The following ELP2 variants were observed in gnomAD, a reference collection of about 807,000 sequenced individuals.
The protein encoded by ELP2 is elongator complex protein 2.
ELP2 carries 90 observed loss-of-function variants against 119.2 expected under a neutral mutation model. That is an observed-to-expected ratio of 0.75 (90% CI 0.64 to 0.90). ELP2 has a LOEUF of 0.90. Among genes scored for constraint, ELP2 ranks in the 40% least tolerant of loss-of-function variants. ELP2 has a pLI of 0.00. For synonymous variants in ELP2, 339 were observed against 331.0 expected, an observed-to-expected ratio of 1.02 and a Z score of -0.26; for missense variants, 921 against 967.8, an observed-to-expected ratio of 0.95 and a Z score of 0.64.
At chr18:36,139,846 A>T (rs1191227685) in intron 5 of ELP2, 5 of 277,980 alleles carry the variant, frequency 1.8e-5, no homozygotes, top group Admixed American at 5.0e-5. Context: ...TTTAAAATTT[A>T]AAATTTATTT....
intron 9 of ELP2, 93 bp from the exon 10 acceptor site, chr18:36,145,855 C>T: frequency 9.8e-7 from 1 of 1,024,964 alleles, no homozygotes; most frequent in Admixed American, 1.7e-5. Flanking sequence ...AGTGAACATC[C>T]TTGCAGTACC....
chr18:36,136,457 C>A, intron 3 of ELP2, 80 bp downstream of exon 3: 2 of 1,185,372 alleles, frequency 1.7e-6, no homozygotes, highest in Non-Finnish European at 2.5e-6. Context: ...ACTCTGTCAC[C>A]CAGGCTGACG....
chr18:36,172,679 C>T (rs921026142), intron 21 of ELP2, among the ~76,000 whole-genome samples: 1 of 152,196 alleles, frequency 6.6e-6, no homozygotes, highest in Non-Finnish European at 1.5e-5. Flanking sequence ...CCCTTTCCTT[C>T]CACTTTGCCT....
chr18:36,168,438 C>T (rs1316200614), intron 19 of ELP2, among the ~76,000 whole-genome samples: 4 of 152,200 alleles, frequency 2.6e-5, no homozygotes, highest in African/African-American at 4.8e-5. Context: ...AATTGACTCA[C>T]AGTTCCTCAG....
intron 11 of ELP2, among the ~76,000 whole-genome samples, chr18:36,152,583 G>A (rs1046737022): frequency 6.6e-6 from 1 of 152,224 alleles, no homozygotes; most frequent in African/African-American, 2.4e-5. Context: ...CCCATCTGGG[G>A]TGTTACACTT....
At chr18:36,131,293 A>C (rs1420719244) in intron 1 of ELP2, among the ~76,000 whole-genome samples, 1 of 152,206 alleles carries the variant, frequency 6.6e-6, no homozygotes, top group African/African-American at 2.4e-5. Flanking sequence ...TGTTATTTGC[A>C]TTCTTGAATG....
Position 36,146,317 on chromosome 18 carries a change from C to G in ELP2, c.1061C>G (p.Ser354Cys), listed in dbSNP as rs777708348. The G allele has an allele frequency of 1.2e-6, 2 of 1,613,828 alleles. No homozygotes were observed. Among genetic ancestry groups the G allele is most frequent in the South Asian group, 2.2e-5 (2 of 91,068 alleles). ...GATTGCCAGTTCAATGAAGATGGCT[C>G]CATGATCATTGCTCATGCTTTCCAC... ...FYDCQFNEDG[S>C]MIIAHAFHGA... Residue 354 changes from serine to cysteine, a missense_variant, in exon 11 of 22, where the codon TCC becomes TGC. Transcript: ENST00000358232.
At position 36,158,910 on chromosome 18, in the gene ELP2, G is replaced by A. The variant is rs1363711714; in HGVS notation, c.1534+6G>A. 6.2e-7 allele frequency: 1 copy of A among 1,603,670 alleles called. No individual in the cohort carries two copies. Among genetic ancestry groups the A allele is most frequent in the South Asian group, 1.1e-5 (1 of 90,898 alleles). On this transcript the variant is annotated splice_donor_region_variant and intron_variant, in intron 14 of 21. Transcript: ENST00000358232. ...AAATAAAGCTGTCTTTCAGGGTAAG[G>A]CTTTTGTCTTCAAAATTATTAAACC...
chr18:36,149,738 A>G (rs1459695228), intron 11 of ELP2, among the ~76,000 whole-genome samples: 1 of 151,990 alleles, frequency 6.6e-6, no homozygotes, highest in Non-Finnish European at 1.5e-5. Flanking sequence ...AAAACAAAAA[A>G]TCTAGCAGGG....
intron 7 of ELP2, 64 bp downstream of exon 7, chr18:36,142,411 C>A: frequency 7.5e-7 from 1 of 1,341,430 alleles, no homozygotes; most frequent in Non-Finnish European, 1.1e-6. Flanking sequence ...TCCAAGAAAG[C>A]AGCCTTTTTT....
In ELP2 at chr18:36,142,910, C is replaced by G. The variant is rs760493458; in HGVS notation, c.740C>G (p.Thr247Ser). 12 of 1,599,048 alleles carry G rather than the reference C, an allele frequency of 7.5e-6. No individual in the cohort carries two copies. The highest frequency in any genetic ancestry group is 8.6e-7 in the Non-Finnish European group (1 of 1,169,042). Residue 247 changes from threonine to serine, a missense_variant, in exon 8 of 22, where the codon ACT becomes AGT. Physicochemically the swap from Thr to Ser is moderately conservative, Grantham distance 58. Coordinates refer to ENST00000358232, the MANE Select transcript of ELP2 (RefSeq NM_018255.4). Reference protein sequence around the residue: ...KLYIKSTSLETQDDDNIRLKE... With the variant: ...KLYIKSTSLESQDDDNIRLKE... ...TATATAAAGTCAACATCTTTAGAAA[C>G]TCAGGATGACGATAACATAAGACTG...
Position 36,146,186 on chromosome 18 carries a change from C to T in ELP2, c.994-64C>T, listed in dbSNP as rs556578814. 9.1e-5 allele frequency: 146 copies of T among 1,604,654 alleles called. No individual in the cohort carries two copies. In the Middle Eastern group the frequency reaches 9.9e-4, roughly 11 times the overall value. ...GGAATTTAACAGTCTCTGGAATCAG[C>T]GATTTCTGTTGTGAGAAACATAGAC... On this transcript the variant is annotated intron_variant, in intron 10 of 21. Coordinates refer to ENST00000358232, the MANE Select transcript of ELP2 (RefSeq NM_018255.4).
rs16967513 is a variant in ELP2, at chr18:36,174,382, C to T, written c.2325-103C>T. On this transcript the variant is annotated intron_variant, in intron 21 of 21. Transcript: ENST00000358232. ...TAAAATGGCTAAAATGTTAATGATG[C>T]GATTTTAAAACCTGTACATTTCAAT... The T allele has an allele frequency of 2.7e-3, 3,050 of 1,135,258 alleles. 60 individuals are homozygous for T. In the African/African-American group the frequency reaches 0.04, roughly 15 times the overall value. The allele number at this position is 1,135,258 out of a possible 1,614,324, so 70.3% of individuals were successfully genotyped here.
intron 3 of ELP2, chr18:36,137,228 G>C (rs545018426): frequency 6.6e-6 from 1 of 152,114 alleles, no homozygotes. Context: ...TGCAGTGGCT[G>C]TTCATAGGTA....
At position 36,171,171 on chromosome 18, in the gene ELP2, C is replaced by A. The variant is rs1360175440; in HGVS notation, c.2324+11C>A. 6.3e-7 allele frequency: 1 copy of A among 1,597,254 alleles called. No individual in the cohort carries two copies. The highest frequency in any genetic ancestry group is 8.6e-7 in the Non-Finnish European group (1 of 1,165,778). On this transcript the variant is annotated intron_variant, in intron 21 of 21. Transcript: ENST00000358232. Reference sequence around the variant, plus strand: ...AGAAACAAGTCAAAGGTATTTCTTTCCTATTTTTGTTTCCATCAGATTAAC... The same window carrying A: ...AGAAACAAGTCAAAGGTATTTCTTTACTATTTTTGTTTCCATCAGATTAAC...
At chr18:36,136,870 A>G (rs2089844244) in intron 3 of ELP2, among the ~76,000 whole-genome samples, 1 of 152,204 alleles carries the variant, frequency 6.6e-6, no homozygotes, top group Non-Finnish European at 1.5e-5. Context: ...ATACGAATAT[A>G]GATTTACAAG....
intron 8 of ELP2, among the ~76,000 whole-genome samples, chr18:36,144,188 C>T (rs1333930566): frequency 6.6e-6 from 1 of 151,814 alleles, no homozygotes; most frequent in Non-Finnish European, 1.5e-5. Flanking sequence ...AATGATATAA[C>T]CAGCATATTA....
Position 36,133,793 on chromosome 18 carries a change from T to C in ELP2, c.217+477T>C, listed in dbSNP as rs542135935. Among the ~76,000 whole-genome samples, 678 of 151,418 alleles carry C rather than the reference T, an allele frequency of 4.5e-3. 6 individuals are homozygous for C. Among genetic ancestry groups the C allele is most frequent in the African/African-American group, 0.016 (646 of 41,306 alleles). ...ATGTTTATTTTTTTAAGAGACAGGA[T>C]CTCTCACTTGTTGCCCAAGCTGGAA... On this transcript the variant is annotated intron_variant, in intron 2 of 21. Transcript: ENST00000358232.
At position 36,129,926 on chromosome 18, in the gene ELP2, T is replaced by C. The variant is rs113061635; in HGVS notation, c.-8T>C. ...GTCTCTTGTTTGTGCGGCTGACCAG[T>C]TGGCGACATGGTGGCACCCGTGCTG... On this transcript the variant is annotated 5_prime_UTR_variant, in exon 1 of 22. Coordinates refer to ENST00000358232, the MANE Select transcript of ELP2 (RefSeq NM_018255.4). 4 of 1,614,214 alleles carry C rather than the reference T, an allele frequency of 2.5e-6. No homozygotes were observed. The South Asian group carries it at 4.4e-5, about 18-fold the overall frequency.
Sources: gnomAD v4.1 joint callset for allele counts (sites outside exome capture counted in the v4.1 genomes callset) on GRCh38, gnomAD v4.1.1 for gene constraint, MANE v1.5 for transcripts, NCBI Gene and HGNC (gene_info 2026-07-23, HGNC 2026-07-21) for gene names.